The following CD40LG variants were observed in gnomAD, a reference collection of about 807,000 sequenced individuals.
CD40LG encodes the protein CD40 antigen ligand.
CD40LG carries 1 observed loss-of-function variant against 17.2 expected under a neutral mutation model. The ratio of observed to expected loss-of-function variants is 0.06; its 90% CI spans 0.02 to 0.28. The LOEUF (loss-of-function observed/expected upper bound fraction) is 0.28, where lower values mean the gene tolerates loss of function less well. Among genes scored for constraint, CD40LG ranks in the 10% least tolerant of loss-of-function variants. CD40LG has a pLI of 1.00. For missense variants in CD40LG, 133 were observed against 193.2 expected (o/e 0.69, Z 1.85); for synonymous variants, 66 against 74.4 (o/e 0.89, Z 0.58).
chrX:136,653,826 G>A (rs2076111073), intron 2 of CD40LG, among the ~76,000 whole-genome samples: 1 of 112,349 alleles, frequency 8.9e-6, no homozygotes, highest in Admixed American at 9.4e-5. Context: ...CTATCAATAA[G>A]AGAATCTCTT....
At position 136,660,105 on chromosome X, in the gene CD40LG, AACACACACACACACACACACACACAC is replaced by A. The variant is rs56074249; in HGVS notation, c.*718_*743del. 7.9e-5 allele frequency: 3 copies of A among 37,983 alleles called. No individual in the cohort carries two copies. Among genetic ancestry groups the A allele is most frequent in the Non-Finnish European group, 1.0e-4 (2 of 19,252 alleles). The allele number at this position is 37,983 out of a possible 1,213,427, so 3.1% of individuals were successfully genotyped here. A position where few individuals can be genotyped will look rare whatever the true frequency, so the allele number is the denominator to read the frequency against. ...GTCTCTCTTCTCAATCCCCCTTTCT[AACACACACACACACACACACACACAC>A]ACACACACACACACACACACACACA... On this transcript the variant is annotated 3_prime_UTR_variant, in exon 5 of 5. Coordinates refer to ENST00000370629, the MANE Select transcript of CD40LG (RefSeq NM_000074.3).
In CD40LG at chrX:136,648,201, C is replaced by T. The variant is rs1444953302; in HGVS notation, c.-48C>T. On this transcript the variant is annotated 5_prime_UTR_variant, in exon 1 of 5. Coordinates refer to ENST00000370629, the MANE Select transcript of CD40LG (RefSeq NM_000074.3). ...CACTTTGACAGTCTTCTCATGCTGC[C>T]TCTGCCACCTTCTCTGCCAGAAGAT... 2.9e-6 allele frequency: 3 copies of T among 1,051,323 alleles called. No individual in the cohort carries two copies. The highest frequency in any genetic ancestry group is 1.9e-5 in the African/African-American group (1 of 53,833). The allele number at this position is 1,051,323 out of a possible 1,213,427, so 86.6% of individuals were successfully genotyped here. A position where few individuals can be genotyped will look rare whatever the true frequency, so the allele number is the denominator to read the frequency against.
chrX:136,659,563 G>T lies in CD40LG; in HGVS notation c.*148G>T. ...CTATTTATTATACACTCCAAGGCATGTAGAACTGTAATAAGTGAATTACAG... is the reference window on the plus strand; with the variant it reads ...CTATTTATTATACACTCCAAGGCATTTAGAACTGTAATAAGTGAATTACAG... On this transcript the variant is annotated 3_prime_UTR_variant, in exon 5 of 5. Transcript: ENST00000370629. 1.7e-6 allele frequency: 1 copy of T among 588,854 alleles called. No individual in the cohort carries two copies. The highest frequency in any genetic ancestry group is 2.2e-5 in the African/African-American group (1 of 44,455). The allele number at this position is 588,854 out of a possible 1,213,427, so 48.5% of individuals were successfully genotyped here. A position where few individuals can be genotyped will look rare whatever the true frequency, so the allele number is the denominator to read the frequency against.
intron 1 of CD40LG, among the ~76,000 whole-genome samples, 193 bp downstream of exon 1, chrX:136,648,597 C>T (rs1027586318): frequency 1.8e-5 from 2 of 111,669 alleles, no homozygotes; most frequent in Admixed American, 9.5e-5. Context: ...AGTCAGACTG[C>T]CTGGGTTCAA....
rs1252281345 is a variant in CD40LG, at chrX:136,659,336, C to T, written c.707C>T (p.Ser236Leu). 1.4e-5 allele frequency: 17 copies of T among 1,208,864 alleles called. No homozygotes were observed. Among genetic ancestry groups the T allele is most frequent in the South Asian group, 1.8e-5 (1 of 56,642 alleles). ...GGVFELQPGA[S>L]VFVNVTDPSQ... ...GTATTTGAATTGCAACCAGGTGCTT[C>T]GGTGTTTGTCAATGTGACTGATCCA... Residue 236 changes from serine to leucine, a missense_variant, in exon 5 of 5, where the codon TCG becomes TTG. Physicochemically the swap from Ser to Leu is moderately radical, Grantham distance 145. Transcript: ENST00000370629.
chrX:136,660,105 A>ACAC lies in CD40LG; in HGVS notation c.*690_*691insCAC, dbSNP rs2076131527. On this transcript the variant is annotated 3_prime_UTR_variant, in exon 5 of 5. Coordinates refer to ENST00000370629, the MANE Select transcript of CD40LG (RefSeq NM_000074.3). ...GTCTCTCTTCTCAATCCCCCTTTCT[A>ACAC]ACACACACACACACACACACACACA... 2.6e-5 allele frequency: 1 copy of ACAC among 37,987 alleles called. No individual in the cohort carries two copies. The highest frequency in any genetic ancestry group is 3.5e-4 in the Admixed American group (1 of 2,847). 3.1% of individuals were successfully genotyped at this position (37,987 alleles called of 1,213,427 possible).
rs1603322067 is a variant in CD40LG, at chrX:136,660,013, A to C, written c.*598A>C. ...TCTCTCTTTCAGTCTCTCTCTCTCA[A>C]CCTCTTTCTTCCAATCTCTCTTTCT... On this transcript the variant is annotated 3_prime_UTR_variant, in exon 5 of 5. Coordinates refer to ENST00000370629, the MANE Select transcript of CD40LG (RefSeq NM_000074.3). The C allele has an allele frequency of 1.2e-5, 1 of 86,797 alleles. No individual in the cohort carries two copies. The highest frequency in any genetic ancestry group is 1.4e-4 in the Admixed American group (1 of 6,995). 7.2% of individuals were successfully genotyped at this position (86,797 alleles called of 1,213,427 possible).
At position 136,656,434 on chromosome X, in the gene CD40LG, T is replaced by G; in HGVS notation, c.409+16T>G. On this transcript the variant is annotated intron_variant, in intron 4 of 4. Coordinates refer to ENST00000370629, the MANE Select transcript of CD40LG (RefSeq NM_000074.3). ...ACAACATCTGGTAAGTCACACAGCA[T>G]CTGAGCGGTAGCCACCCAAGGGGAA... 8.5e-7 allele frequency: 1 copy of G among 1,180,485 alleles called. No homozygotes were observed. Among genetic ancestry groups the G allele is most frequent in the South Asian group, 1.8e-5 (1 of 56,267 alleles).
intron 2 of CD40LG, among the ~76,000 whole-genome samples, chrX:136,653,972 C>G (rs776907680): frequency 6.7e-4 from 75 of 112,025 alleles, no homozygotes; most frequent in African/African-American, 2.2e-3. Flanking sequence ...TAGATACACA[C>G]CATGCTTTAT....
chrX:136,657,428 C>G (rs1249611482), intron 4 of CD40LG, among the ~76,000 whole-genome samples: 2 of 111,340 alleles, frequency 1.8e-5, no homozygotes, highest in Non-Finnish European at 3.8e-5. Context: ...AGACCCTTTA[C>G]CTATGCAGCA....
At chrX:136,650,973 TATA>T (rs1360368807) in intron 2 of CD40LG, among the ~76,000 whole-genome samples, 5 of 110,828 alleles carry the variant, frequency 4.5e-5, no homozygotes, top group Non-Finnish European at 9.5e-5. Flanking sequence ...CCAGACTCCA[TATA>T]ATATCACTTG....
intron 4 of CD40LG, among the ~76,000 whole-genome samples, chrX:136,658,357 C>A (rs1013319450): frequency 8.9e-6 from 1 of 111,878 alleles, no homozygotes; most frequent in African/African-American, 3.3e-5. Flanking sequence ...GGTGGGTACT[C>A]TGGCTTAGCC....
Position 136,648,255 on chromosome X carries a change from G to A in CD40LG, c.7G>A (p.Glu3Lys), listed in dbSNP as rs1350282799. 3.3e-6 allele frequency: 4 copies of A among 1,203,689 alleles called. No homozygotes were observed. The highest frequency in any genetic ancestry group is 3.4e-6 in the Non-Finnish European group (3 of 888,743). MI[E>K]TYNQTSPRSA... ...ATTTCAACTTTAACACAGCATGATC[G>A]AAACATACAACCAAACTTCTCCCCG... Residue 3 changes from glutamate to lysine, a missense_variant, in exon 1 of 5, where the codon GAA (glutamate) becomes AAA (lysine). By Grantham distance (56) the Glu-to-Lys change is moderately conservative. Transcript: ENST00000370629.
At chrX:136,653,314 C>T (rs2076109539) in intron 2 of CD40LG, among the ~76,000 whole-genome samples, 1 of 112,268 alleles carries the variant, frequency 8.9e-6, no homozygotes, top group African/African-American at 3.2e-5. Context: ...CTGAGCTGGG[C>T]CTACAGCCAG....
rs2076129120 is a variant in CD40LG, at chrX:136,659,705, T to A, written c.*290T>A. On this transcript the variant is annotated 3_prime_UTR_variant, in exon 5 of 5. Transcript: ENST00000370629. ...AAAAGACAAGGCCATTATGCACAGG[T>A]TGAATTCTGAGTAAACAGCAGATAA... 1 of 327,478 alleles carries A rather than the reference T, an allele frequency of 3.1e-6. No individual in the cohort carries two copies. Among genetic ancestry groups the A allele is most frequent in the Non-Finnish European group, 5.3e-6 (1 of 188,685 alleles). 27.0% of individuals were successfully genotyped at this position (327,478 alleles called of 1,213,427 possible).
chrX:136,652,172 C>T (rs760789978), intron 2 of CD40LG, among the ~76,000 whole-genome samples: 1 of 110,570 alleles, frequency 9.0e-6, no homozygotes, highest in Admixed American at 9.6e-5. Flanking sequence ...ACTAAGGAGG[C>T]TCCTTGTCTC....
chrX:136,650,289 T>C lies in CD40LG; in HGVS notation c.180T>C (p.His60=). The C allele has an allele frequency of 8.5e-7, 1 of 1,179,869 alleles. No homozygotes were observed. Among genetic ancestry groups the C allele is most frequent in the Non-Finnish European group, 1.2e-6 (1 of 867,419 alleles). ...LDKIEDERNL[H]EDFVFMKTIQ... ...AGATAGAAGATGAAAGGAATCTTCA[T>C]GAAGATTTTGTATTCATGAAAACGA... Residue 60 remains histidine, a synonymous_variant, in exon 2 of 5, where the codon CAT becomes CAC. Coordinates refer to ENST00000370629, the MANE Select transcript of CD40LG (RefSeq NM_000074.3).
intron 2 of CD40LG, 79 bp from the exon 3 acceptor site, chrX:136,654,294 A>G: frequency 2.9e-6 from 2 of 700,193 alleles, no homozygotes; most frequent in Non-Finnish European, 4.6e-6. Flanking sequence ...GTAATGACAG[A>G]TGCAAAACGA....
In CD40LG at chrX:136,659,933, CCCCG is replaced by C. The variant is rs2076130512; in HGVS notation, c.*521_*524del. ...TGGAGAACCGAAACCCCCCCCCCCC[CCCCG>C]CCACCCTCTCGGACAGTTATTCATT... On this transcript the variant is annotated 3_prime_UTR_variant, in exon 5 of 5. Transcript: ENST00000370629. 1.6e-5 allele frequency: 1 copy of C among 64,256 alleles called. No homozygotes were observed. Among genetic ancestry groups the C allele is most frequent in the African/African-American group, 4.5e-5 (1 of 22,313 alleles). The allele number at this position is 64,256 out of a possible 1,213,427, so 5.3% of individuals were successfully genotyped here. A position where few individuals can be genotyped will look rare whatever the true frequency, so the allele number is the denominator to read the frequency against.
Sources: allele counts gnomAD v4.1 joint callset (sites outside exome capture counted in the v4.1 genomes callset), GRCh38; gene constraint gnomAD v4.1.1; transcripts MANE v1.5; gene names NCBI Gene and HGNC (gene_info 2026-07-23, HGNC 2026-07-21).